Variants in ESYT2 observed in about 807,000 individuals in gnomAD.
The protein encoded by ESYT2 is extended synaptotagmin 2, also known as extended synaptotagmin-2.
ESYT2 carries 54 observed loss-of-function variants against 107.2 expected under a neutral mutation model. The ratio of observed to expected loss-of-function variants is 0.50; its 90% CI spans 0.40 to 0.63. The LOEUF (loss-of-function observed/expected upper bound fraction) is 0.63. Among genes scored for constraint, ESYT2 ranks in the 30% least tolerant of loss-of-function variants. The pLI, the probability that ESYT2 is intolerant of heterozygous loss-of-function variation, is 0.00. For missense variants in ESYT2, 1,020 were observed against 1,094.5 expected, an observed-to-expected ratio of 0.93 and a Z score of 0.96; for synonymous variants, 491 against 434.1, an observed-to-expected ratio of 1.13 and a Z score of -1.63.
intron 12 of ESYT2, 40 bp downstream of exon 12, chr7:158,760,018 T>C (rs750808212): frequency 3.8e-6 from 6 of 1,579,766 alleles, no homozygotes; most frequent in Non-Finnish European, 3.5e-6. Flanking sequence ...TGAGGAGTAG[T>C]TGGTTAGGTA....
At chr7:158,798,817 C>G (rs1401253817) in intron 2 of ESYT2, among the ~76,000 whole-genome samples, 1 of 152,064 alleles carries the variant, frequency 6.6e-6, no homozygotes, top group African/African-American at 2.4e-5. Flanking sequence ...TATGCACATG[C>G]CTATACTTTT....
intron 1 of ESYT2, among the ~76,000 whole-genome samples, chr7:158,812,018 G>A (rs1297273119): frequency 6.6e-6 from 1 of 152,210 alleles, no homozygotes; most frequent in African/African-American, 2.4e-5. Context: ...AGGCACTTAG[G>A]AAACACTGCA....
At position 158,785,895 on chromosome 7, in the gene ESYT2, A is replaced by T. The variant is rs80199622; in HGVS notation, c.747+2109T>A. Among the ~76,000 whole-genome samples the T allele has an allele frequency of 5.3e-3, 807 of 152,354 alleles. 43 individuals carry two copies. In the East Asian group the frequency reaches 0.12, roughly 22 times the overall value. On this transcript the variant is annotated intron_variant, in intron 6 of 22. Transcript: ENST00000275418. ...GTATAAAGGTTTCGTAAGGGTTTCT[A>T]AATCATCCAAATAGTAGAAAGAAAT...
chr7:158,762,969 C>T (rs1838025523), intron 10 of ESYT2, 114 bp downstream of exon 10: 2 of 627,388 alleles, frequency 3.2e-6, no homozygotes, highest in Non-Finnish European at 5.3e-6. Context: ...ATCTAAGAAC[C>T]ATTTAATGAA....
chr7:158,827,175 A>AG (rs1840482087), intron 1 of ESYT2, among the ~76,000 whole-genome samples: 1 of 151,798 alleles, frequency 6.6e-6, no homozygotes, highest in Non-Finnish European at 1.5e-5. Context: ...AAAAAAAAAA[A>AG]AAAGAAAAGA....
chr7:158,760,634 C>T (rs895392473), intron 11 of ESYT2, among the ~76,000 whole-genome samples: 21 of 152,278 alleles, frequency 1.4e-4, no homozygotes, highest in Admixed American at 8.5e-4. Context: ...TGGCCTTTAA[C>T]GGAATGTACA....
At chr7:158,827,580 G>C (rs1399984838) in intron 1 of ESYT2, 4 of 152,114 alleles carry the variant, frequency 2.6e-5, no homozygotes, top group Non-Finnish European at 5.9e-5. Context: ...TGCTCACCAC[G>C]CATCGGCAGA....
chr7:158,807,585 T>A (rs1839869599), intron 1 of ESYT2, among the ~76,000 whole-genome samples: 1 of 152,194 alleles, frequency 6.6e-6, no homozygotes, highest in Non-Finnish European at 1.5e-5. Context: ...TCACTGGATG[T>A]TCGATACCAA....
intron 16 of ESYT2, among the ~76,000 whole-genome samples, chr7:158,747,158 C>A (rs1837432175): frequency 6.6e-6 from 1 of 152,032 alleles, no homozygotes; most frequent in Admixed American, 6.5e-5. Context: ...CCAAGCCTGG[C>A]CAACATGGTG....
chr7:158,743,120 G>C (rs1163969607), intron 17 of ESYT2, among the ~76,000 whole-genome samples: 1 of 152,120 alleles, frequency 6.6e-6, no homozygotes, highest in African/African-American at 2.4e-5. Flanking sequence ...TTTCCTGTAA[G>C]TTCTACTGTC....
chr7:158,748,267 G>GT lies in ESYT2; in HGVS notation c.1570dup (p.Thr524AsnfsTer3). 1.2e-6 allele frequency: 2 copies of GT among 1,613,840 alleles called. No individual in the cohort carries two copies. The highest frequency in any genetic ancestry group is 1.7e-6 in the Non-Finnish European group (2 of 1,179,782). On this transcript the variant is annotated frameshift_variant, in exon 16 of 23. Coordinates refer to ENST00000275418, the MANE Select transcript of ESYT2 (RefSeq NM_001367773.1). ...GTTTTCCTCCCACACAGGTTCATTG[G>GT]TTTTGTATCGAATCTAGAAGAAATA...
At chr7:158,758,121 G>T (rs1837831527) in intron 13 of ESYT2, among the ~76,000 whole-genome samples, 1 of 152,056 alleles carries the variant, frequency 6.6e-6, no homozygotes, top group Non-Finnish European at 1.5e-5. Context: ...CTTCTAAGAA[G>T]TTAAAATCGG....
At chr7:158,754,128 T>A (rs1466147898) in intron 13 of ESYT2, among the ~76,000 whole-genome samples, 6 of 152,094 alleles carry the variant, frequency 3.9e-5, no homozygotes, top group Non-Finnish European at 8.8e-5. Context: ...GCCTCTGGAG[T>A]TACTCATCTT....
intron 1 of ESYT2, among the ~76,000 whole-genome samples, chr7:158,821,308 C>T (rs1405398834): frequency 2.6e-5 from 4 of 152,142 alleles, no homozygotes; most frequent in African/African-American, 9.7e-5. Context: ...ACAATAAGAT[C>T]ATTGAGAGTA....
In ESYT2 at chr7:158,789,882, ATG is replaced by A. The variant is rs1839227443; in HGVS notation, c.585-1467_585-1466del. 2.0e-5 allele frequency among the ~76,000 whole-genome samples: 3 copies of A among 152,212 alleles called. No individual in the cohort carries two copies. In the South Asian group the frequency reaches 6.2e-4, roughly 32 times the overall value. ...TAAATGTGAGCAGGATACTTGGCAT[ATG>A]TTATGGCAGCTAACCATGAAACCAG... On this transcript the variant is annotated intron_variant, in intron 4 of 22. Transcript: ENST00000275418.
chr7:158,762,561 ATGG>A (rs1180230643), intron 10 of ESYT2, among the ~76,000 whole-genome samples: 1 of 152,262 alleles, frequency 6.6e-6, no homozygotes, highest in African/African-American at 2.4e-5. Context: ...ATATTAACAA[ATGG>A]TGGTCAAACA....
intron 6 of ESYT2, among the ~76,000 whole-genome samples, chr7:158,783,444 T>C (rs1838997176): frequency 6.6e-6 from 1 of 151,940 alleles, no homozygotes; most frequent in Non-Finnish European, 1.5e-5. Context: ...AACTCAGGGC[T>C]CCCACCTTTC....
intron 13 of ESYT2, among the ~76,000 whole-genome samples, chr7:158,756,689 G>A (rs1482215001): frequency 6.6e-6 from 1 of 151,974 alleles, no homozygotes; most frequent in African/African-American, 2.4e-5. Flanking sequence ...GGGGTGGACT[G>A]CCTGAGATCA....
At position 158,829,365 on chromosome 7, in the gene ESYT2, G is replaced by A. The variant is rs1840563640; in HGVS notation, c.54C>T (p.Gly18=). 7.8e-7 allele frequency: 1 copy of A among 1,286,762 alleles called. No homozygotes were observed. 79.7% of individuals were successfully genotyped at this position (1,286,762 alleles called of 1,614,324 possible). A position where few individuals can be genotyped will look rare whatever the true frequency, so the allele number is the denominator to read the frequency against. ...GPEAGAGGAG[G]RAAPENPGGV... ...CCCCGGGGTTCTCAGGCGCCGCGCG[G>A]CCCCCAGCCCCGCCGGCGCCCGCCT... Residue 18 remains glycine (G), a synonymous_variant, in exon 1 of 23, where the codon GGC becomes GGT. Transcript: ENST00000275418.
Sources: gnomAD v4.1 joint callset for allele counts (sites outside exome capture counted in the v4.1 genomes callset) on GRCh38, gnomAD v4.1.1 for gene constraint, MANE v1.5 for transcripts, NCBI Gene and HGNC (gene_info 2026-07-23, HGNC 2026-07-21) for gene names.